DGKB: variants seen among roughly 807,000 people sequenced by gnomAD.
DGKB encodes the protein 90 kDa diacylglycerol kinase.
DGKB carries 67 observed loss-of-function variants against 114.3 expected under a neutral mutation model. That is an observed-to-expected ratio of 0.59 (90% confidence interval 0.48 to 0.72). The LOEUF (loss-of-function observed/expected upper bound fraction) is 0.72, where lower values mean the gene tolerates loss of function less well. DGKB is among the 30% of genes least tolerant of loss of function. The probability of loss-of-function intolerance (pLI) is 0.00; values close to 1 mark genes in which losing one functional copy is unlikely to be tolerated. For synonymous variants in DGKB, 398 were observed against 323.1 expected (o/e 1.23, Z -2.49); for missense variants, 907 against 975.2 (o/e 0.93, Z 0.93).
chr7:14,324,134 A>G (rs1322804198), intron 23 of DGKB, among the ~76,000 whole-genome samples: 1 of 152,192 alleles, frequency 6.6e-6, no homozygotes, highest in Non-Finnish European at 1.5e-5. Flanking sequence ...GAAAAGAGCT[A>G]TACGCAAATT....
At chr7:14,499,704 T>TC (rs573994222) in intron 20 of DGKB, among the ~76,000 whole-genome samples, 98 of 151,994 alleles carry the variant, frequency 6.4e-4, no homozygotes, top group Non-Finnish European at 1.2e-3. Flanking sequence ...GGCTCATGAT[T>TC]CCTAGTACAT....
chr7:14,428,056 T>A (rs977091146), intron 21 of DGKB, among the ~76,000 whole-genome samples: 1 of 152,148 alleles, frequency 6.6e-6, no homozygotes, highest in Non-Finnish European at 1.5e-5. Context: ...TTGAAAATTT[T>A]ATTGAATATT....
intron 6 of DGKB, among the ~76,000 whole-genome samples, chr7:14,709,014 C>T (rs1585862609): frequency 2.0e-5 from 3 of 147,400 alleles, no homozygotes; most frequent in South Asian, 2.2e-4. Context: ...AAACTACCAT[C>T]AGAGTGAACA....
rs4612226 is a variant in DGKB, at chr7:14,682,849, G to A, written c.830-8C>T. ...GGACTGTGTACTTGCAGACTGAAAGGAAACAGGTACACAAATTCAGAGCTA... is the reference window on the plus strand; with the variant it reads ...GGACTGTGTACTTGCAGACTGAAAGAAAACAGGTACACAAATTCAGAGCTA... On this transcript the variant is annotated splice_region_variant and splice_polypyrimidine_tract_variant and intron_variant, in intron 10 of 25. Coordinates refer to ENST00000402815, the MANE Select transcript of DGKB (RefSeq NM_001350709.2). The A allele has an allele frequency of 6.4e-7, 1 of 1,568,220 alleles. No homozygotes were observed. Among genetic ancestry groups the A allele is most frequent in the South Asian group, 1.2e-5 (1 of 86,454 alleles).
At chr7:14,819,321 T>A (rs1844585425) in intron 2 of DGKB, among the ~76,000 whole-genome samples, 1 of 152,076 alleles carries the variant, frequency 6.6e-6, no homozygotes, top group Admixed American at 6.6e-5. Flanking sequence ...GTGTGGTGGC[T>A]CACGACTGTA....
At chr7:14,319,563 C>A (rs906373417) in intron 23 of DGKB, among the ~76,000 whole-genome samples, 1 of 151,966 alleles carries the variant, frequency 6.6e-6, no homozygotes, top group Non-Finnish European at 1.5e-5. Flanking sequence ...AGCAAAAGTT[C>A]TTTAGGATTT....
intron 1 of DGKB, among the ~76,000 whole-genome samples, chr7:14,920,182 T>C (rs187629978): frequency 6.6e-6 from 1 of 152,238 alleles, no homozygotes; most frequent in Admixed American, 6.5e-5. Context: ...ATTTAAAACT[T>C]ATGTGCAAAA....
intron 21 of DGKB, among the ~76,000 whole-genome samples, chr7:14,410,878 T>A (rs1824759086): frequency 6.6e-6 from 1 of 152,198 alleles, no homozygotes; most frequent in Admixed American, 6.5e-5. Context: ...TACAATTTTA[T>A]TAAAGTGAAT....
intron 2 of DGKB, among the ~76,000 whole-genome samples, chr7:14,825,668 T>C (rs1845607912): frequency 6.6e-6 from 1 of 152,124 alleles, no homozygotes; most frequent in South Asian, 2.1e-4. Flanking sequence ...CTGTGCAGCC[T>C]GGTTCCTAAC....
chr7:14,567,873 C>T (rs779583884), intron 20 of DGKB, among the ~76,000 whole-genome samples: 96 of 151,930 alleles, frequency 6.3e-4, no homozygotes, highest in Non-Finnish European at 1.0e-3. Context: ...TCCCAAAGTG[C>T]TGGGATTAAA....
rs1318366103 is a variant in DGKB at position 14,290,316 on chromosome 7, ATT to A, written c.2122+48197_2122+48198del. Reference sequence around the variant, plus strand: ...CAGAGAATGACTGATTGAAATTTTTATTTGTTTTTTTTCCAATTTGCTTATCT... The same window carrying A: ...CAGAGAATGACTGATTGAAATTTTTATGTTTTTTTTCCAATTTGCTTATCT... On this transcript the variant is annotated intron_variant, in intron 23 of 25. Coordinates refer to ENST00000402815, the MANE Select transcript of DGKB (RefSeq NM_001350709.2). Among the ~76,000 whole-genome samples, 4 of 152,112 alleles carry A rather than the reference ATT, an allele frequency of 2.6e-5. No individual in the cohort carries two copies. The South Asian group carries it at 6.2e-4, about 24-fold the overall frequency.
At chr7:14,483,856 C>A (rs527783068) in intron 20 of DGKB, among the ~76,000 whole-genome samples, 1 of 152,208 alleles carries the variant, frequency 6.6e-6, no homozygotes, top group East Asian at 1.9e-4. Context: ...TGTTCTCCAT[C>A]ACCTCTGGAG....
At chr7:14,804,333 A>C (rs539096052) in intron 2 of DGKB, among the ~76,000 whole-genome samples, 29 of 151,624 alleles carry the variant, frequency 1.9e-4, no homozygotes, top group African/African-American at 6.5e-4. Flanking sequence ...CGGTTTTAAG[A>C]TTTTTCTCCT....
At chr7:14,193,061 A>C (rs1427374539) in intron 23 of DGKB, among the ~76,000 whole-genome samples, 1 of 151,474 alleles carries the variant, frequency 6.6e-6, no homozygotes, top group Non-Finnish European at 1.5e-5. Context: ...ATACAGATGA[A>C]GCTTCACTCT....
intron 21 of DGKB, among the ~76,000 whole-genome samples, chr7:14,431,645 A>T (rs924451146): frequency 2.6e-5 from 4 of 152,162 alleles, no homozygotes; most frequent in African/African-American, 9.6e-5. Flanking sequence ...AGTACTTTTA[A>T]AATTATATTT....
chr7:14,741,875 C>T (rs748975817), intron 4 of DGKB, among the ~76,000 whole-genome samples: 7 of 152,026 alleles, frequency 4.6e-5, no homozygotes, highest in South Asian at 2.1e-4. Flanking sequence ...TCTTAAAGAA[C>T]GCTCAAGTTA....
chr7:14,972,100 C>T (rs1787504700), intron 1 of DGKB, among the ~76,000 whole-genome samples: 1 of 151,982 alleles, frequency 6.6e-6, no homozygotes. Flanking sequence ...AAAATAATGG[C>T]AGGCCAGTTT....
chr7:14,167,504 T>C (rs569350610), intron 25 of DGKB, among the ~76,000 whole-genome samples: 5 of 152,050 alleles, frequency 3.3e-5, no homozygotes, highest in Non-Finnish European at 7.4e-5. Context: ...AAAAAAAAAA[T>C]ATCAGAGAGA....
intron 20 of DGKB, among the ~76,000 whole-genome samples, chr7:14,532,209 C>A (rs1432193096): frequency 6.8e-6 from 1 of 146,750 alleles, no homozygotes; most frequent in African/African-American, 2.5e-5. Flanking sequence ...TTAAACTTCA[C>A]AAGGAACAAC....
Sources: gnomAD v4.1 joint callset for allele counts (sites outside exome capture counted in the v4.1 genomes callset) on GRCh38, gnomAD v4.1.1 for gene constraint, MANE v1.5 for transcripts, NCBI Gene and HGNC (gene_info 2026-07-23, HGNC 2026-07-21) for gene names.